BUB1B: variants seen among roughly 807,000 people sequenced by gnomAD.
BUB1B encodes the protein BUB1 mitotic checkpoint serine/threonine kinase B, also known as mitotic checkpoint serine/threonine-protein kinase BUB1 beta.
In BUB1B, 86 loss-of-function variants were observed where a neutral mutation model predicts 137.7. The observed-to-expected ratio is 0.62, with a 90% CI of 0.52 to 0.75. BUB1B has a LOEUF of 0.75. Among genes scored for constraint, BUB1B ranks in the 30% least tolerant of loss-of-function variants. The pLI is 0.00. For synonymous variants in BUB1B, 420 were observed against 417.9 expected, an observed-to-expected ratio of 1.00 and a Z score of -0.06; for missense variants, 1,130 against 1,236.9, an observed-to-expected ratio of 0.91 and a Z score of 1.30.
chr15:40,167,948 G>A (rs1185414460), intron 2 of BUB1B, among the ~76,000 whole-genome samples: 1 of 152,026 alleles, frequency 6.6e-6, no homozygotes, highest in Non-Finnish European at 1.5e-5. Flanking sequence ...AGCAAGTCCA[G>A]CAGAGTGAGT....
In BUB1B at chr15:40,183,743, C is replaced by G. The variant is rs780541154; in HGVS notation, c.611C>G (p.Thr204Ser). Residue 204 changes from threonine to serine, a missense_variant, in exon 6 of 23, where the codon ACT becomes AGT. Physicochemically the swap from Thr to Ser is moderately conservative, Grantham distance 58 (BLOSUM62 1). Coordinates refer to ENST00000287598, the MANE Select transcript of BUB1B (RefSeq NM_001211.6). The stretch of plus-strand genomic sequence containing the variant: ...TTCCAAGCTCGAGTGTCTCGGCAAA[C>G]TCTGTTGGCACTTGAGAAAGAAGAA... ...RQFQARVSRQ[T>S]LLALEKEEEE... 3.1e-6 allele frequency: 5 copies of G among 1,613,946 alleles called. No homozygotes were observed. The African/African-American group carries it at 5.3e-5, about 17-fold the overall frequency.
intron 11 of BUB1B, 120 bp downstream of exon 11, chr15:40,200,479 GTC>G (rs1420699767): frequency 1.4e-5 from 10 of 720,448 alleles, no homozygotes; most frequent in South Asian, 3.5e-5. Flanking sequence ...GTTTTTGTAA[GTC>G]TCTGTCACAA....
At chr15:40,209,570 A>G (rs2037683277) in intron 16 of BUB1B, 65 bp from the exon 17 acceptor site, 6 of 1,590,296 alleles carry the variant, frequency 3.8e-6, no homozygotes. Flanking sequence ...ACTCTGTTAT[A>G]ATATCCATTT....
In BUB1B at chr15:40,170,563, A is replaced by G. The variant is rs2037149828; in HGVS notation, c.266A>G (p.Tyr89Cys). ...TATATCAGCTGGACAGAGCAGAACT[A>G]TCCTCAAGGTGGGAAGGAGAGTAAT... ...DRYISWTEQNYPQGGKESNMS... is the reference protein window; with the variant it reads ...DRYISWTEQNCPQGGKESNMS... Residue 89 changes from tyrosine (Y) to cysteine (C), a missense_variant, in exon 4 of 23, where the codon TAT becomes TGT. Physicochemically the swap from Tyr to Cys is radical, Grantham distance 194. Transcript: ENST00000287598. The G allele has an allele frequency of 3.1e-6, 5 of 1,613,676 alleles. No homozygotes were observed. The highest frequency in any genetic ancestry group is 1.1e-5 in the South Asian group (1 of 91,080).
rs989612471 is a variant in BUB1B, at chr15:40,206,044, A to G, written c.1735-140A>G. ...TATAGTTTACTGTGTTCATGATATAAAAACCTTTTTATATTTGCCTAGATA... is the reference window on the plus strand; with the variant it reads ...TATAGTTTACTGTGTTCATGATATAGAAACCTTTTTATATTTGCCTAGATA... On this transcript the variant is annotated intron_variant, in intron 14 of 22. Coordinates refer to ENST00000287598, the MANE Select transcript of BUB1B (RefSeq NM_001211.6). The G allele has an allele frequency of 3.5e-6, 3 of 850,112 alleles. No individual in the cohort carries two copies. In the Admixed American group the frequency reaches 7.3e-5, roughly 21 times the overall value. The allele number at this position is 850,112 out of a possible 1,614,324, so 52.7% of individuals were successfully genotyped here.
At chr15:40,188,267 C>T (rs1227447756) in intron 8 of BUB1B, among the ~76,000 whole-genome samples, 1 of 152,076 alleles carries the variant, frequency 6.6e-6, no homozygotes, top group South Asian at 2.1e-4. Context: ...AGGCTGGTCT[C>T]GAACTGACCT....
At chr15:40,172,910 C>T (rs1351451287) in intron 4 of BUB1B, among the ~76,000 whole-genome samples, 1 of 152,050 alleles carries the variant, frequency 6.6e-6, no homozygotes, top group African/African-American at 2.4e-5. Flanking sequence ...GTCTGTGGAC[C>T]CTGGTGGTGT....
At chr15:40,217,383 AG>A in intron 20 of BUB1B, 112 bp from the exon 21 acceptor site, 3 of 1,075,824 alleles carry the variant, frequency 2.8e-6, no homozygotes, top group Non-Finnish European at 4.2e-6. Flanking sequence ...CACTGGAGGG[AG>A]TTGTTGGCAT....
chr15:40,202,517 T>A (rs1321034135), intron 13 of BUB1B, 52 bp downstream of exon 13: 2 of 1,595,442 alleles, frequency 1.3e-6, no homozygotes, highest in Non-Finnish European at 1.7e-6. Flanking sequence ...AATTTTCTGT[T>A]ATTATAAGTG....
intron 8 of BUB1B, among the ~76,000 whole-genome samples, chr15:40,190,302 TA>T (rs745357351): frequency 1.2e-4 from 18 of 152,164 alleles, no homozygotes; most frequent in South Asian, 2.1e-4. Flanking sequence ...ATTTTTATTT[TA>T]TTTTTTTTAG....
chr15:40,165,291 CT>C, intron 2 of BUB1B, 95 bp downstream of exon 2: 1 of 1,551,132 alleles, frequency 6.4e-7, no homozygotes, highest in Non-Finnish European at 8.9e-7. Flanking sequence ...ATAATGAGTA[CT>C]TTTCAAAAAT....
At chr15:40,215,712 T>C (rs2037770290) in intron 20 of BUB1B, among the ~76,000 whole-genome samples, 3 of 152,074 alleles carry the variant, frequency 2.0e-5, no homozygotes, top group Admixed American at 2.0e-4. Flanking sequence ...GAGCTTGCAG[T>C]GAGCCAAGAT....
chr15:40,212,495 A>G lies in BUB1B; in HGVS notation c.2386-4A>G, dbSNP rs752871512. 5 of 1,609,970 alleles carry G rather than the reference A, an allele frequency of 3.1e-6. No individual in the cohort carries two copies. Among genetic ancestry groups the G allele is most frequent in the South Asian group, 2.2e-5 (2 of 90,990 alleles). On this transcript the variant is annotated splice_polypyrimidine_tract_variant and splice_region_variant and intron_variant, in intron 18 of 22. Coordinates refer to ENST00000287598, the MANE Select transcript of BUB1B (RefSeq NM_001211.6). The stretch of plus-strand genomic sequence containing the variant: ...ACTTATTTTTAAAATACAATGTCTT[A>G]CAGGTATCTTCTCAACCTGTCCCAT...
At chr15:40,218,330 A>C in intron 21 of BUB1B, 126 bp from the exon 22 acceptor site, 1 of 740,450 alleles carries the variant, frequency 1.4e-6, no homozygotes, top group Non-Finnish European at 2.4e-6. Flanking sequence ...GGAACAGTCT[A>C]CTAAAATGTA....
At chr15:40,207,672 T>C (rs985930455) in intron 15 of BUB1B, among the ~76,000 whole-genome samples, 2 of 152,150 alleles carry the variant, frequency 1.3e-5, no homozygotes, top group African/African-American at 4.8e-5. Context: ...AAATGTATGC[T>C]GGACATGGCT....
intron 1 of BUB1B, among the ~76,000 whole-genome samples, chr15:40,161,730 T>C (rs964980188): frequency 1.3e-5 from 2 of 152,224 alleles, no homozygotes; most frequent in Admixed American, 1.3e-4. Flanking sequence ...GCCAATATCA[T>C]AGAGATCTAA....
At chr15:40,214,316 T>A (rs892935003) in intron 20 of BUB1B, among the ~76,000 whole-genome samples, 1 of 152,140 alleles carries the variant, frequency 6.6e-6, no homozygotes, top group Non-Finnish European at 1.5e-5. Context: ...AATAAATGAA[T>A]ACTAAGGACT....
At chr15:40,211,140 T>A (rs2037705605) in intron 18 of BUB1B, among the ~76,000 whole-genome samples, 1 of 152,180 alleles carries the variant, frequency 6.6e-6, no homozygotes, top group South Asian at 2.1e-4. Context: ...TCTCTTTGTC[T>A]TTTTACTTTA....
intron 20 of BUB1B, 97 bp from the exon 21 acceptor site, chr15:40,217,398 TA>T (rs1465259153): frequency 7.7e-7 from 1 of 1,305,050 alleles, no homozygotes; most frequent in Non-Finnish European, 1.1e-6. Flanking sequence ...TTGGCATAGC[TA>T]AGATGTACCC....
Sources: gnomAD v4.1 joint callset for allele counts (sites outside exome capture counted in the v4.1 genomes callset) on GRCh38, gnomAD v4.1.1 for gene constraint, MANE v1.5 for transcripts, NCBI Gene and HGNC (gene_info 2026-07-23, HGNC 2026-07-21) for gene names.